Variants in COLEC10 observed in about 807,000 individuals in gnomAD.
COLEC10 encodes the protein collectin subfamily member 10.
COLEC10 carries 22 observed loss-of-function variants against 28.4 expected under a neutral mutation model. That is an observed-to-expected ratio of 0.78 (90% confidence interval 0.55 to 1.11). The LOEUF (loss-of-function observed/expected upper bound fraction) is 1.11. COLEC10 is among the 50% of genes least tolerant of loss of function. The pLI is 0.00. For missense variants in COLEC10, 361 were observed against 344.1 expected, an observed-to-expected ratio of 1.05 and a Z score of -0.39; for synonymous variants, 125 against 116.1, an observed-to-expected ratio of 1.08 and a Z score of -0.49.
intron 1 of COLEC10, among the ~76,000 whole-genome samples, chr8:119,008,778 A>C (rs1813852587): frequency 6.6e-6 from 1 of 151,040 alleles, no homozygotes; most frequent in African/African-American, 2.5e-5. Flanking sequence ...GGTTTTTGCC[A>C]TTAAAAGTAA....
the COLEC10 span, among the ~76,000 whole-genome samples, chr8:118,955,899 A>C: frequency 6.6e-6 from 1 of 152,258 alleles, no homozygotes; most frequent in Admixed American, 6.5e-5. Flanking sequence ...TCAAAGAACC[A>C]TACAAAGCAC....
intron 2 of COLEC10, among the ~76,000 whole-genome samples, chr8:119,034,432 G>T (rs909715729): frequency 4.6e-5 from 7 of 150,576 alleles, no homozygotes; most frequent in South Asian, 2.1e-4. Flanking sequence ...AAAAAAAAAG[G>T]CCAGGTGCGG....
chr8:119,000,407 A>G (rs1211470925), intron 1 of COLEC10, among the ~76,000 whole-genome samples: 3 of 152,144 alleles, frequency 2.0e-5, no homozygotes, highest in African/African-American at 7.2e-5. Context: ...GCCCATCAGC[A>G]CAGTTGTGTG....
intron 1 of COLEC10, among the ~76,000 whole-genome samples, chr8:119,004,434 C>T (rs3924060): frequency 0.019 from 2,901 of 151,662 alleles, 204 homozygotes; most frequent in Admixed American, 0.13. Context: ...GTCTTTCTGA[C>T]GCCATTGTTT....
At chr8:118,964,085 A>G in the COLEC10 span, among the ~76,000 whole-genome samples, 1 of 152,208 alleles carries the variant, frequency 6.6e-6, no homozygotes, top group Non-Finnish European at 1.5e-5. Flanking sequence ...TTCTATTAAA[A>G]AGTCAGGGAG....
intron 1 of COLEC10, among the ~76,000 whole-genome samples, chr8:119,007,589 C>A (rs1813827435): frequency 6.6e-6 from 1 of 151,104 alleles, no homozygotes; most frequent in South Asian, 2.1e-4. Context: ...GCCCAGTTGG[C>A]CTGAAATTTA....
intron 2 of COLEC10, among the ~76,000 whole-genome samples, chr8:119,051,845 C>T (rs1433362542): frequency 6.6e-6 from 1 of 152,114 alleles, no homozygotes; most frequent in East Asian, 1.9e-4. Flanking sequence ...GAGAGAGATG[C>T]TCAGACTCAG....
intron 2 of COLEC10, among the ~76,000 whole-genome samples, chr8:119,015,254 T>A (rs1255446531): frequency 1.4e-5 from 2 of 146,784 alleles, no homozygotes; most frequent in Non-Finnish European, 3.0e-5. Flanking sequence ...GGTCTCGGTC[T>A]TTTGATGAGC....
chr8:119,011,356 G>T (rs1813897660), intron 2 of COLEC10, among the ~76,000 whole-genome samples: 1 of 150,858 alleles, frequency 6.6e-6, no homozygotes, highest in African/African-American at 2.5e-5. Flanking sequence ...TCTTTTGCCA[G>T]CACTACACTG....
At chr8:119,053,042 C>T (rs1186547734) in intron 2 of COLEC10, among the ~76,000 whole-genome samples, 1 of 152,040 alleles carries the variant, frequency 6.6e-6, no homozygotes, top group East Asian at 1.9e-4. Flanking sequence ...GTGATACTGG[C>T]TAGAGAATTC....
At chr8:118,964,402 A>G in the COLEC10 span, among the ~76,000 whole-genome samples, 1 of 152,154 alleles carries the variant, frequency 6.6e-6, no homozygotes, top group Non-Finnish European at 1.5e-5. Context: ...CCCCTCCTTT[A>G]CAAATTGAGG....
At chr8:119,099,685 A>AG (rs1156361982) in intron 3 of COLEC10, among the ~76,000 whole-genome samples, 5 of 152,188 alleles carry the variant, frequency 3.3e-5, no homozygotes, top group African/African-American at 9.6e-5. Flanking sequence ...TCAGAAAAAA[A>AG]GACCACATAG....
Position 119,045,957 on chromosome 8 carries a change from GAC to G in COLEC10, n.235+36408_235+36409del, listed in dbSNP as rs200929989. On this transcript the variant is annotated intron_variant and non_coding_transcript_variant, in intron 2 of 6. Transcript: ENST00000521788. Reference sequence around the variant, plus strand: ...TGGAAAAGCAGAAGTTATTTCCAATGACACATACTATTTGCTGAAAATTTACG... The same window carrying G: ...TGGAAAAGCAGAAGTTATTTCCAATGACATACTATTTGCTGAAAATTTACG... Among the ~76,000 whole-genome samples, 423 of 152,276 alleles carry G rather than the reference GAC, an allele frequency of 2.8e-3. 1 individual carries two copies. The highest frequency in any genetic ancestry group is 9.9e-3 in the African/African-American group (410 of 41,536).
At position 119,103,805 on chromosome 8, in the gene COLEC10, G is replaced by T; in HGVS notation, c.352G>T (p.Val118Phe). 6.2e-7 allele frequency: 1 copy of T among 1,605,482 alleles called. No homozygotes were observed. Among genetic ancestry groups the T allele is most frequent in the Non-Finnish European group, 8.5e-7 (1 of 1,172,518 alleles). ...IPGEKGKAGT[V>F]CDCGRYRKFV... ...CAGTTTTTGTCATTTAAAAGGTACT[G>T]TCTGTGATTGTGGAAGATACCGGAA... Residue 118 changes from valine to phenylalanine, a missense_variant, in exon 5 of 6, where the codon GTC becomes TTC. By Grantham distance (50) the Val-to-Phe change is conservative. This residue lies in a region of COLEC10 where 335 missense variants were observed against 308.5 expected (regional missense o/e 1.09). Coordinates refer to ENST00000332843, the MANE Select transcript of COLEC10 (RefSeq NM_006438.5).
At chr8:118,978,115 G>C in the COLEC10 span, among the ~76,000 whole-genome samples, 6 of 152,052 alleles carry the variant, frequency 3.9e-5, no homozygotes, top group African/African-American at 1.4e-4. Context: ...AAGTTGACAG[G>C]ATAGAGCCAA....
the COLEC10 span, among the ~76,000 whole-genome samples, chr8:118,976,803 T>C: frequency 2.0e-5 from 3 of 151,792 alleles, no homozygotes; most frequent in Admixed American, 2.0e-4. Flanking sequence ...ACCATCAGAG[T>C]GAACAGGCAA....
rs1563725689 is a variant in COLEC10 at position 119,042,408 on chromosome 8, ATTT to A, written n.235+32856_235+32858del. 4.1e-3 allele frequency among the ~76,000 whole-genome samples: 85 copies of A among 20,900 alleles called. No homozygotes were observed. The East Asian group carries it at 0.084, about 21-fold the overall frequency. The allele number at this position is 20,900 out of a possible 152,430, so 13.7% of individuals were successfully genotyped here. ...TCTAAGCTTTTATTTAACTTAATTT[ATTT>A]ATTTATTTATTTATTTATTTGTAAA... On this transcript the variant is annotated intron_variant and non_coding_transcript_variant, in intron 2 of 6. Coordinates refer to the COLEC10 transcript ENST00000521788.
At chr8:119,029,121 C>T (rs974449404) in intron 2 of COLEC10, among the ~76,000 whole-genome samples, 1 of 152,240 alleles carries the variant, frequency 6.6e-6, no homozygotes, top group East Asian at 1.9e-4. Flanking sequence ...AGTCATGCCA[C>T]AGTGGTTCAG....
rs1346599452 is a variant in COLEC10 at position 119,089,702 on chromosome 8, T to G, written c.171T>G (p.Asp57Glu). The change falls in exon 2 of 6, where the codon GAT becomes GAG. Residue 57 changes from aspartate to glutamate, a missense_variant. Physicochemically the swap from Asp to Glu is conservative, Grantham distance 45. Transcript: ENST00000332843. ...AAGGAGATGATGGTGAAAAAGGAGA[T>G]CCAGGAGAAGAGGGAAAGCATGGCA... ...GPKGDDGEKG[D>E]PGEEGKHGKV... 1 of 1,613,526 alleles carries G rather than the reference T, an allele frequency of 6.2e-7. No homozygotes were observed. The highest frequency in any genetic ancestry group is 8.5e-7 in the Non-Finnish European group (1 of 1,179,690).
Sources: allele counts gnomAD v4.1 joint callset (sites outside exome capture counted in the v4.1 genomes callset), GRCh38; gene constraint gnomAD v4.1.1; regional missense constraint gnomAD v4.1.1; transcripts MANE v1.5; gene names NCBI Gene and HGNC (gene_info 2026-07-23, HGNC 2026-07-21).